TSPYL2: variants seen among roughly 807,000 people sequenced by gnomAD.
The protein encoded by TSPYL2 is TSPY like 2.
A neutral mutation model predicts 33.0 loss-of-function variants in TSPYL2; 9 were observed. The observed-to-expected ratio is 0.27, with a 90% confidence interval of 0.16 to 0.48. The LOEUF is 0.48. TSPYL2 is among the 20% of genes least tolerant of loss of function. The pLI is 0.99. For missense variants in TSPYL2, 636 were observed against 586.2 expected (o/e 1.08, Z -0.88); for synonymous variants, 330 against 233.6 (o/e 1.41, Z -3.77).
Position 53,086,143 on chromosome X carries a change from G to C in TSPYL2, c.1751G>C (p.Ser584Thr), listed in dbSNP as rs782334662. Residue 584 changes from serine (S) to threonine (T), a missense_variant, in exon 6 of 7, where the codon AGT (serine) becomes ACT (threonine). Physicochemically the swap from Ser to Thr is moderately conservative, Grantham distance 58. This residue lies in a region of TSPYL2 where 401 missense variants were observed against 363.0 expected (regional missense o/e 1.10). Transcript: ENST00000375442. ...GGCAACGAAGGTGACAATGAGGGCAGTGATGATGATGGCAATGAAGGTGAC... is the reference window on the plus strand; with the variant it reads ...GGCAACGAAGGTGACAATGAGGGCACTGATGATGATGGCAATGAAGGTGAC... ...NDGNEGDNEG[S>T]DDDGNEGDNE... The C allele has an allele frequency of 8.3e-7, 1 of 1,199,082 alleles. No individual in the cohort carries two copies. The highest frequency in any genetic ancestry group is 1.8e-5 in the South Asian group (1 of 55,191).
In TSPYL2 at chrX:53,085,484, CAG is replaced by C. The variant is rs57804878; in HGVS notation, c.1239-146_1239-145del. ...CAGAAATGGCTTGAGGTTACACAGT[CAG>C]GGGCAGAAGTGGGACTTTACCCACC... On this transcript the variant is annotated intron_variant, in intron 5 of 6. Coordinates refer to ENST00000375442, the MANE Select transcript of TSPYL2 (RefSeq NM_022117.4). The C allele has an allele frequency of 1.5e-3, 1,110 of 745,189 alleles. 6 individuals are homozygous for C. In the African/African-American group the frequency reaches 0.02, roughly 14 times the overall value. 61.4% of individuals were successfully genotyped at this position (745,189 alleles called of 1,213,427 possible). A position where few individuals can be genotyped will look rare whatever the true frequency, so the allele number is the denominator to read the frequency against.
Position 53,082,873 on chromosome X carries a change from G to T in TSPYL2, c.375G>T (p.Gly125=). The change falls in exon 1 of 7, where the codon GGG becomes GGT. Residue 125 remains glycine (G), a synonymous_variant. Coordinates refer to ENST00000375442, the MANE Select transcript of TSPYL2 (RefSeq NM_022117.4). ...LEALPTPEAS[G]GSLEIDFQVV... is the part of the protein sequence containing the mutation. ...CACTCCCCACTCCTGAGGCCTCGGGGGGGAGCCTGGAAATCGATTTTCAGG... is the reference window on the plus strand; with the variant it reads ...CACTCCCCACTCCTGAGGCCTCGGGTGGGAGCCTGGAAATCGATTTTCAGG... 8.3e-7 allele frequency: 1 copy of T among 1,210,536 alleles called. No homozygotes were observed. The highest frequency in any genetic ancestry group is 1.1e-6 in the Non-Finnish European group (1 of 894,999).
chrX:53,088,166 T>C lies in TSPYL2; in HGVS notation c.*227T>C, dbSNP rs1932793307. 2.5e-6 allele frequency: 1 copy of C among 407,134 alleles called. No homozygotes were observed. The highest frequency in any genetic ancestry group is 4.3e-6 in the Non-Finnish European group (1 of 233,719). 33.6% of individuals were successfully genotyped at this position (407,134 alleles called of 1,213,427 possible). On this transcript the variant is annotated 3_prime_UTR_variant, in exon 7 of 7. Coordinates refer to ENST00000375442, the MANE Select transcript of TSPYL2 (RefSeq NM_022117.4). The stretch of plus-strand genomic sequence containing the variant: ...CTTTTGGCCCTCCGCCCCCGCAGGC[T>C]TCTGTGTGCTGCTAACTGTATTTAT...
intron 6 of TSPYL2, chrX:53,086,605 C>T (rs912997227): frequency 5.5e-6 from 2 of 363,514 alleles, no homozygotes; most frequent in South Asian, 3.7e-5. Context: ...CACTTCACAT[C>T]GAGGTGGGGG....
rs138367420 is a variant in TSPYL2, at chrX:53,085,885, G to C, written c.1493G>C (p.Ser498Thr). ...AACGAGACCACTGATAACAACGAGA[G>C]TGCTGATGACCACGAAACCACTGAC... Reference protein sequence around the residue: ...PNNETTDNNESADDHETTDNN... With the variant: ...PNNETTDNNETADDHETTDNN... Residue 498 changes from serine (S) to threonine (T), a missense_variant, in exon 6 of 7, where the codon AGT (serine) becomes ACT (threonine). By Grantham distance (58) the Ser-to-Thr change is moderately conservative. Coordinates refer to ENST00000375442, the MANE Select transcript of TSPYL2 (RefSeq NM_022117.4). The C allele has an allele frequency of 1.9e-3, 2,348 of 1,209,513 alleles. 34 individuals carry two copies. In the African/African-American group the frequency reaches 0.035, roughly 18 times the overall value.
At chrX:53,083,402 C>T in intron 1 of TSPYL2, 97 bp downstream of exon 1, 2 of 832,946 alleles carry the variant, frequency 2.4e-6, no homozygotes, top group Non-Finnish European at 3.5e-6. Context: ...GGAGGAGAGC[C>T]AGAGGTGGGC....
chrX:53,082,828 G>A lies in TSPYL2; in HGVS notation c.330G>A (p.Pro110=), dbSNP rs1932653270. 8.3e-7 allele frequency: 1 copy of A among 1,204,352 alleles called. No individual in the cohort carries two copies. The highest frequency in any genetic ancestry group is 3.0e-5 in the East Asian group (1 of 33,612). ...AGTCGGGGTATGGGGAGGCGCCCCCGCCCACGGAGAGCCTGGAAGCACTCC... is the reference window on the plus strand; with the variant it reads ...AGTCGGGGTATGGGGAGGCGCCCCCACCCACGGAGAGCCTGGAAGCACTCC... ...TIESGYGEAP[P]PTESLEALPT... is the part of the protein sequence containing the mutation. The change falls in exon 1 of 7, where the codon CCG becomes CCA. Residue 110 remains proline, a synonymous_variant. Coordinates refer to ENST00000375442, the MANE Select transcript of TSPYL2 (RefSeq NM_022117.4).
At position 53,082,670 on chromosome X, in the gene TSPYL2, C is replaced by A; in HGVS notation, c.172C>A (p.Leu58Met). The A allele has an allele frequency of 8.7e-7, 1 of 1,152,835 alleles. No individual in the cohort carries two copies. Among genetic ancestry groups the A allele is most frequent in the Non-Finnish European group, 1.2e-6 (1 of 868,529 alleles). ...GGAGGAAACGGAGGCGGCACAGGTGCTGGCCGATATGAGGGGGGTGGGACT... is the reference window on the plus strand; with the variant it reads ...GGAGGAAACGGAGGCGGCACAGGTGATGGCCGATATGAGGGGGGTGGGACT... ...LQEETEAAQV[L>M]ADMRGVGLGP... is the part of the protein sequence containing the mutation. The change falls in exon 1 of 7, where the codon CTG (leucine) becomes ATG (methionine). Residue 58 changes from leucine (L) to methionine (M), a missense_variant. Leu to Met is a conservative substitution (Grantham distance 15, BLOSUM62 2). Around this residue, in one of 3 missense-constraint regions of TSPYL2, gnomAD observed 231 missense variants for 201.6 expected, o/e 1.15. Coordinates refer to ENST00000375442, the MANE Select transcript of TSPYL2 (RefSeq NM_022117.4).
At position 53,086,328 on chromosome X, in the gene TSPYL2, C is replaced by CA; in HGVS notation, c.1918+19dup. 3.5e-6 allele frequency: 4 copies of CA among 1,156,315 alleles called. No homozygotes were observed. The highest frequency in any genetic ancestry group is 4.7e-6 in the Non-Finnish European group (4 of 857,291). On this transcript the variant is annotated intron_variant, in intron 6 of 6. Transcript: ENST00000375442. ...TGAGGAAGGTGAGCTAATCCCCCCCCACCCTTGTCTTCCCTCTTTTCTTTT... is the reference window on the plus strand; with the variant it reads ...TGAGGAAGGTGAGCTAATCCCCCCCCAACCCTTGTCTTCCCTCTTTTCTTTT...
chrX:53,086,270 C>A lies in TSPYL2; in HGVS notation c.1878C>A (p.Ile626=). ...DQADYEDVIE[I]ISDESVEEEG... is the part of the protein sequence containing the mutation. ...CTGACTACGAGGACGTGATAGAGATCATCTCAGACGAATCAGTGGAAGAAG... is the reference window on the plus strand; with the variant it reads ...CTGACTACGAGGACGTGATAGAGATAATCTCAGACGAATCAGTGGAAGAAG... Residue 626 remains isoleucine (I), a synonymous_variant, in exon 6 of 7, where the codon ATC becomes ATA. Transcript: ENST00000375442. 1 of 1,211,019 alleles carries A rather than the reference C, an allele frequency of 8.3e-7. No homozygotes were observed. Among genetic ancestry groups the A allele is most frequent in the Non-Finnish European group, 1.1e-6 (1 of 895,230 alleles).
chrX:53,084,133 T>G (rs782674446), intron 1 of TSPYL2, among the ~76,000 whole-genome samples: 2 of 111,583 alleles, frequency 1.8e-5, no homozygotes, highest in African/African-American at 6.5e-5. Flanking sequence ...TGTAGACACA[T>G]GGCATAACTT....
chrX:53,082,942 C>G lies in TSPYL2; in HGVS notation c.444C>G (p.Thr148=), dbSNP rs1464431289. 1 of 1,211,119 alleles carries G rather than the reference C, an allele frequency of 8.3e-7. No individual in the cohort carries two copies. Among genetic ancestry groups the G allele is most frequent in the Non-Finnish European group, 1.1e-6 (1 of 895,340 alleles). Residue 148 remains threonine (T), a synonymous_variant, in exon 1 of 7, where the codon ACC becomes ACG. Coordinates refer to ENST00000375442, the MANE Select transcript of TSPYL2 (RefSeq NM_022117.4). ...TTGGTGGAGAGGGGGCCCTAGAAACCTGTAGCGCAGTGGGGTGGGCGCCCC... is the reference window on the plus strand; with the variant it reads ...TTGGTGGAGAGGGGGCCCTAGAAACGTGTAGCGCAGTGGGGTGGGCGCCCC... ...SSFGGEGALE[T]CSAVGWAPQR... is the part of the protein sequence containing the mutation.
At chrX:53,086,400 A>C in intron 6 of TSPYL2, 90 bp downstream of exon 6, 6 of 877,918 alleles carry the variant, frequency 6.8e-6, no homozygotes, top group Non-Finnish European at 9.8e-6. Context: ...CATGAACACA[A>C]TCTGCTTTTA....
In TSPYL2 at chrX:53,084,196, AC is replaced by A. The variant is rs782090154; in HGVS notation, c.808-346del. Among the ~76,000 whole-genome samples the A allele has an allele frequency of 3.6e-4, 40 of 111,596 alleles. No individual in the cohort carries two copies. In the South Asian group the frequency reaches 0.01, roughly 29 times the overall value. On this transcript the variant is annotated intron_variant, in intron 1 of 6. Coordinates refer to ENST00000375442, the MANE Select transcript of TSPYL2 (RefSeq NM_022117.4). ...CATCATGTGGACATGGACCTTCAAC[AC>A]CCATACATACAATAACGTGACCACA...
chrX:53,085,105 G>T lies in TSPYL2; in HGVS notation c.1143+6G>T, dbSNP rs781898587. On this transcript the variant is annotated splice_donor_region_variant and intron_variant, in intron 4 of 6. Coordinates refer to ENST00000375442, the MANE Select transcript of TSPYL2 (RefSeq NM_022117.4). ...AGGCTGACAGGATTGCTGAGGTGGG[G>T]CCCTTCCTGGCATCACCAGAGAAGG... 25 of 1,200,768 alleles carry T rather than the reference G, an allele frequency of 2.1e-5. No individual in the cohort carries two copies. The South Asian group carries it at 3.6e-4, about 17-fold the overall frequency.
chrX:53,088,199 C>G lies in TSPYL2; in HGVS notation c.*260C>G, dbSNP rs920256496. 2.8e-6 allele frequency: 1 copy of G among 356,097 alleles called. No individual in the cohort carries two copies. The highest frequency in any genetic ancestry group is 4.5e-5 in the Admixed American group (1 of 22,043). 29.3% of individuals were successfully genotyped at this position (356,097 alleles called of 1,213,427 possible). A position where few individuals can be genotyped will look rare whatever the true frequency, so the allele number is the denominator to read the frequency against. On this transcript the variant is annotated 3_prime_UTR_variant, in exon 7 of 7. Transcript: ENST00000375442. ...GCTGCTAACTGTATTTATTGTGATGCCTTGGTCAGGGCCCCTCTACCCACT... is the reference window on the plus strand; with the variant it reads ...GCTGCTAACTGTATTTATTGTGATGGCTTGGTCAGGGCCCCTCTACCCACT...
chrX:53,082,408 A>C lies in TSPYL2; in HGVS notation c.-91A>C, dbSNP rs1205772059. On this transcript the variant is annotated 5_prime_UTR_variant, in exon 1 of 7. Coordinates refer to ENST00000375442, the MANE Select transcript of TSPYL2 (RefSeq NM_022117.4). ...GAGAGCTGGTTGCGTGAGTCTCCTC[A>C]GCTCTGCTTACCGGTGCGACTAGCG... 7.6e-6 allele frequency: 7 copies of C among 919,338 alleles called. No homozygotes were observed. The highest frequency in any genetic ancestry group is 1.0e-5 in the Non-Finnish European group (7 of 690,581). 75.8% of individuals were successfully genotyped at this position (919,338 alleles called of 1,213,427 possible).
chrX:53,087,382 C>A (rs782514478), intron 6 of TSPYL2: 2 of 126,818 alleles, frequency 1.6e-5, no homozygotes, highest in African/African-American at 6.4e-5. Flanking sequence ...TTGCAGAACA[C>A]AAACTAGGGC....
In TSPYL2 at chrX:53,087,557, A is replaced by G. The variant is rs1556809081; in HGVS notation, c.1919-219A>G. 7.2e-6 allele frequency: 3 copies of G among 415,791 alleles called. No homozygotes were observed. The African/African-American group carries it at 7.6e-5, about 11-fold the overall frequency. 34.3% of individuals were successfully genotyped at this position (415,791 alleles called of 1,213,427 possible). A position where few individuals can be genotyped will look rare whatever the true frequency, so the allele number is the denominator to read the frequency against. On this transcript the variant is annotated intron_variant, in intron 6 of 6. Transcript: ENST00000375442. ...GTTTTGACAGAGGCAGGGATCCCAC[A>G]CTGCCTTCCTGCCTCCCTCCATCTC... is the stretch of plus-strand genomic sequence containing the variant.
Sources: gnomAD v4.1 joint callset for allele counts (sites outside exome capture counted in the v4.1 genomes callset) on GRCh38, gnomAD v4.1.1 for gene constraint, gnomAD v4.1.1 regional missense constraint, MANE v1.5 for transcripts, NCBI Gene and HGNC (gene_info 2026-07-23, HGNC 2026-07-21) for gene names.